The following NUB1 variants were observed in gnomAD, a reference collection of about 807,000 sequenced individuals.
The protein encoded by NUB1 is negative regulator of ubiquitin like proteins 1, also known as NEDD8 ultimate buster 1.
NUB1 carries 41 observed loss-of-function variants against 77.1 expected under a neutral mutation model. The observed-to-expected ratio is 0.53, with a 90% confidence interval of 0.41 to 0.69. The LOEUF (loss-of-function observed/expected upper bound fraction) is 0.69, where lower values mean the gene tolerates loss of function less well. Among genes scored for constraint, NUB1 ranks in the 30% least tolerant of loss-of-function variants. NUB1 has a pLI of 0.00. For synonymous variants in NUB1, 257 were observed against 281.0 expected (o/e 0.91, Z 0.85); for missense variants, 643 against 743.8 (o/e 0.86, Z 1.58).
chr7:151,352,016 T>C (rs1796824476), intron 4 of NUB1: 1 of 445,892 alleles, frequency 2.2e-6, no homozygotes, highest in South Asian at 1.6e-5. Context: ...AAATGGTGTT[T>C]GGAGCACCTC....
chr7:151,367,165 T>G, intron 9 of NUB1, 40 bp downstream of exon 9: 1 of 1,518,886 alleles, frequency 6.6e-7, no homozygotes, highest in Non-Finnish European at 9.0e-7. Context: ...GTTGAGTCCA[T>G]TTCTAGCATT....
At chr7:151,355,991 G>C in intron 6 of NUB1, 41 bp downstream of exon 6, 1 of 1,598,914 alleles carries the variant, frequency 6.3e-7, no homozygotes, top group Non-Finnish European at 8.6e-7. Context: ...CAGCTGCTTG[G>C]GGGCAGCACT....
At position 151,378,325 on chromosome 7, in the gene NUB1, C is replaced by T. The variant is rs966268978; in HGVS notation, c.*1100C>T. 4.6e-5 allele frequency: 7 copies of T among 152,270 alleles called. No individual in the cohort carries two copies. The highest frequency in any genetic ancestry group is 9.6e-5 in the African/African-American group (4 of 41,536). The allele number at this position is 152,270 out of a possible 1,614,324, so 9.4% of individuals were successfully genotyped here. On this transcript the variant is annotated 3_prime_UTR_variant, in exon 15 of 15. Transcript: ENST00000568733. ...GAAGACAGGATGGATCATGCGGAGC[C>T]GGCTGAAATGCTCCAACTTTTTCAA...
intron 7 of NUB1, among the ~76,000 whole-genome samples, chr7:151,359,507 C>A (rs183961522): frequency 6.8e-6 from 1 of 146,666 alleles, no homozygotes; most frequent in Admixed American, 6.8e-5. Flanking sequence ...AGCCGGGCAC[C>A]GTGGCTCACG....
intron 8 of NUB1, among the ~76,000 whole-genome samples, chr7:151,365,766 G>A (rs150218549): frequency 0.011 from 1,625 of 152,348 alleles, 13 homozygotes; most frequent in Middle Eastern, 0.034. Flanking sequence ...TGTTGAGAGA[G>A]ATGAAAATAA....
At chr7:151,348,943 T>G in intron 2 of NUB1, 130 bp from the exon 3 acceptor site, 1 of 726,116 alleles carries the variant, frequency 1.4e-6, no homozygotes, top group Non-Finnish European at 2.3e-6. Flanking sequence ...CAAACCACAG[T>G]GTGGACTGCA....
At position 151,351,427 on chromosome 7, in the gene NUB1, A is replaced by G. The variant is rs200776093; in HGVS notation, c.289A>G (p.Arg97Gly). The change falls in exon 4 of 15, where the codon AGG becomes GGG. Residue 97 changes from arginine to glycine, a missense_variant. Physicochemically the swap from Arg to Gly is moderately radical, Grantham distance 125. Transcript: ENST00000568733. ...VFLPPRLKKD[R>G]KNLLETRLHI... ...TACTTTGTCTTATTTTTAACAGGAT[A>G]GGAAAAACTTGTTGGAGACCCGATT... is the stretch of plus-strand genomic sequence containing the variant. 294 of 1,609,864 alleles carry G rather than the reference A, an allele frequency of 1.8e-4. No individual in the cohort carries two copies. Among genetic ancestry groups the G allele is most frequent in the Non-Finnish European group, 2.3e-4 (269 of 1,176,846 alleles).
rs185638292 is a variant in NUB1 at position 151,356,075 on chromosome 7, C to T, written c.599-53C>T. 382 of 1,556,800 alleles carry T rather than the reference C, an allele frequency of 2.5e-4. 5 individuals are homozygous for T. The East Asian group carries it at 7.4e-3, about 30-fold the overall frequency. On this transcript the variant is annotated intron_variant, in intron 6 of 14. Transcript: ENST00000568733. Reference sequence around the variant, plus strand: ...AGTCTAACATTTTTAAGGCTGTCATCATCATAACTGTTTAACATTGAGTTC... The same window carrying T: ...AGTCTAACATTTTTAAGGCTGTCATTATCATAACTGTTTAACATTGAGTTC...
In NUB1 at chr7:151,355,919, C is replaced by T. The variant is rs1490033165; in HGVS notation, c.567C>T (p.Thr189=). 7 of 1,613,796 alleles carry T rather than the reference C, an allele frequency of 4.3e-6. No homozygotes were observed. Among genetic ancestry groups the T allele is most frequent in the South Asian group, 1.1e-5 (1 of 91,050 alleles). The part of the protein sequence containing the change: ...AKLKEKQIQR[T]KRGLEILAKR... Reference sequence around the variant, plus strand: ...TCAAAGAAAAACAAATTCAGAGGACCAAGAGAGGACTAGAAATACTGGCAA... The same window carrying T: ...TCAAAGAAAAACAAATTCAGAGGACTAAGAGAGGACTAGAAATACTGGCAA... The change falls in exon 6 of 15, where the codon ACC becomes ACT. Residue 189 remains threonine (T), a synonymous_variant. Transcript: ENST00000568733.
At chr7:151,344,180 C>CAAAAAAAAAAAAAAAAAA (rs561127147) in intron 1 of NUB1, among the ~76,000 whole-genome samples, 3 of 45,642 alleles carry the variant, frequency 6.6e-5, no homozygotes, top group African/African-American at 6.0e-5. Context: ...GACTCCCTCT[C>CAAAAAAAAAAAAAAAAAA]AAAAAAAAAA....
chr7:151,370,758 T>C (rs1043292147), intron 11 of NUB1, among the ~76,000 whole-genome samples: 1 of 147,534 alleles, frequency 6.8e-6, no homozygotes, highest in African/African-American at 2.5e-5. Flanking sequence ...GTGTTCTCAT[T>C]GTTCAATTCC....
At position 151,367,009 on chromosome 7, in the gene NUB1, T is replaced by TA. The variant is rs1797722536; in HGVS notation, c.872dup (p.Tyr291Ter). Residue 291 changes from tyrosine (Y) to a stop codon, truncating the protein, a stop_gained and frameshift_variant, in exon 9 of 15, where the codon TAC becomes TAAC. Coordinates refer to ENST00000568733, the MANE Select transcript of NUB1 (RefSeq NM_001243351.2). LOFTEE classifies it high-confidence loss of function. ...AVLQLDIVWC[Y>*]FRLEQLECLD... Reference sequence around the variant, plus strand: ...CCTCCAGCTGGATATAGTGTGGTGTTACTTCCGCCTGGAACAGCTGGAATG... The same window carrying TA: ...CCTCCAGCTGGATATAGTGTGGTGTTAACTTCCGCCTGGAACAGCTGGAATG... The TA allele has an allele frequency of 6.2e-7, 1 of 1,613,780 alleles. No homozygotes were observed. The highest frequency in any genetic ancestry group is 8.5e-7 in the Non-Finnish European group (1 of 1,179,800).
rs1053357574 is a variant in NUB1 at position 151,351,294 on chromosome 7, A to G, written c.286-130A>G. 5.5e-6 allele frequency: 4 copies of G among 724,168 alleles called. No individual in the cohort carries two copies. In the African/African-American group the frequency reaches 7.1e-5, roughly 13 times the overall value. 44.9% of individuals were successfully genotyped at this position (724,168 alleles called of 1,614,324 possible). On this transcript the variant is annotated intron_variant, in intron 3 of 14. Coordinates refer to ENST00000568733, the MANE Select transcript of NUB1 (RefSeq NM_001243351.2). ...GGTTATGTTCAGTAGACTTCTAGGC[A>G]GGCAGCATTTTAGTTTTTAACAGTG...
chr7:151,368,072 T>C (rs925245957), intron 10 of NUB1, 104 bp downstream of exon 10: 12 of 672,364 alleles, frequency 1.8e-5, no homozygotes, highest in Admixed American at 2.7e-5. Flanking sequence ...GAAACATGCC[T>C]GTGCTTTCTC....
chr7:151,376,274 G>C (rs1798234972), intron 13 of NUB1: 1 of 466,068 alleles, frequency 2.1e-6, no homozygotes, highest in Non-Finnish European at 3.9e-6. Context: ...ATCCAGCTTT[G>C]TATCCCAAGT....
intron 11 of NUB1, among the ~76,000 whole-genome samples, chr7:151,369,939 G>A (rs755210246): frequency 6.6e-6 from 1 of 152,154 alleles, no homozygotes; most frequent in Non-Finnish European, 1.5e-5. Context: ...GAGTGGATTC[G>A]TGGGTTCATT....
intron 11 of NUB1, among the ~76,000 whole-genome samples, chr7:151,373,748 G>A (rs777528943): frequency 2.6e-5 from 4 of 152,228 alleles, no homozygotes; most frequent in Non-Finnish European, 5.9e-5. Flanking sequence ...TCCTAGAAGA[G>A]AATCCATGCA....
At chr7:151,344,410 A>G (rs997229587) in intron 1 of NUB1, among the ~76,000 whole-genome samples, 4 of 150,760 alleles carry the variant, frequency 2.7e-5, no homozygotes, top group Non-Finnish European at 4.4e-5. Context: ...TCCTGGATTC[A>G]AGCGATTCTC....
intron 5 of NUB1, among the ~76,000 whole-genome samples, chr7:151,353,763 C>T (rs1796933837): frequency 6.6e-6 from 1 of 152,232 alleles, no homozygotes; most frequent in South Asian, 2.1e-4. Flanking sequence ...CTGTAGCCCA[C>T]TGGTTTCCAG....
Sources: allele counts gnomAD v4.1 joint callset (sites outside exome capture counted in the v4.1 genomes callset), GRCh38; gene constraint gnomAD v4.1.1; transcripts MANE v1.5; gene names NCBI Gene and HGNC (gene_info 2026-07-23, HGNC 2026-07-21).